The following KLF15 variants were observed in gnomAD, a reference collection of about 807,000 sequenced individuals.
KLF15 encodes Krueppel-like factor 15.
Under a neutral mutation model 24.6 loss-of-function variants are expected in KLF15, and 4 were observed. The observed-to-expected ratio is 0.16, with a 90% CI of 0.08 to 0.37. KLF15 has a LOEUF of 0.37. Among genes scored for constraint, KLF15 ranks in the 10% least tolerant of loss-of-function variants. KLF15 has a pLI of 1.00. For synonymous variants in KLF15, 246 were observed against 236.3 expected, an observed-to-expected ratio of 1.04 and a Z score of -0.37; for missense variants, 496 against 560.6, an observed-to-expected ratio of 0.88 and a Z score of 1.16.
the KLF15 span, among the ~76,000 whole-genome samples, chr3:126,324,788 A>T: frequency 2.8e-3 from 205 of 74,532 alleles, no homozygotes; most frequent in Middle Eastern, 0.013. Flanking sequence ...TTTGCTTTTA[A>T]TTTTTTTTTT....
chr3:126,350,736 C>A (rs1246034891), intron 2 of KLF15, among the ~76,000 whole-genome samples: 1 of 152,254 alleles, frequency 6.6e-6, no homozygotes, highest in Non-Finnish European at 1.5e-5. Flanking sequence ...TATGGTCACA[C>A]GGCACAGACA....
the KLF15 span, among the ~76,000 whole-genome samples, chr3:126,330,061 G>A: frequency 2.6e-5 from 4 of 152,196 alleles, no homozygotes; most frequent in Non-Finnish European, 1.5e-5. Context: ...CAGGATGCAA[G>A]CCGAGGTCTG....
the KLF15 span, among the ~76,000 whole-genome samples, chr3:126,329,580 C>A: frequency 5.3e-5 from 8 of 152,170 alleles, no homozygotes; most frequent in Non-Finnish European, 1.2e-4. Flanking sequence ...AATCTCCCCA[C>A]CTCTACCACC....
At chr3:126,337,575 A>AT in the KLF15 span, among the ~76,000 whole-genome samples, 1,139 of 76,040 alleles carry the variant, frequency 0.015, 7 homozygotes, top group Non-Finnish European at 0.017. Context: ...TTAAAGTATA[A>AT]TTAAAAAAAA....
At chr3:126,321,678 C>T in the KLF15 span, among the ~76,000 whole-genome samples, 1 of 152,216 alleles carries the variant, frequency 6.6e-6, no homozygotes, top group African/African-American at 2.4e-5. Flanking sequence ...TGGACATGTC[C>T]ACAGTCCACA....
At chr3:126,299,238 T>TA in the KLF15 span, among the ~76,000 whole-genome samples, 9 of 93,590 alleles carry the variant, frequency 9.6e-5, no homozygotes, top group African/African-American at 2.9e-4. Flanking sequence ...ATGTATGTAT[T>TA]TGTTTATTTA....
At chr3:126,329,690 G>C in the KLF15 span, among the ~76,000 whole-genome samples, 1 of 148,994 alleles carries the variant, frequency 6.7e-6, no homozygotes, top group African/African-American at 2.5e-5. Context: ...ATTTGTACTG[G>C]AATTGCAATG....
At chr3:126,305,144 G>A in the KLF15 span, among the ~76,000 whole-genome samples, 528 of 152,336 alleles carry the variant, frequency 3.5e-3, 3 homozygotes, top group African/African-American at 0.012. Flanking sequence ...TAGGCCACAC[G>A]ATGAAAGCTA....
In KLF15 at chr3:126,352,779, G is replaced by A. The variant is rs1174065640; in HGVS notation, c.144C>T (p.Ser48=). The change falls in exon 2 of 3, where the codon AGC becomes AGT. Residue 48 remains serine (S), a synonymous_variant. Transcript: ENST00000296233. ...AGTCGGGACTGGAACAGGAGCAGGG[G>A]CTGGAGGCATCGCTGTCATCTTCAG... ...PVSEDDSDAS[S]PCSCSSPDSQ... 2.5e-6 allele frequency: 4 copies of A among 1,579,492 alleles called. No homozygotes were observed. The highest frequency in any genetic ancestry group is 1.3e-5 in the African/African-American group (1 of 74,152).
At chr3:126,292,530 CA>C in the KLF15 span, among the ~76,000 whole-genome samples, 2 of 152,128 alleles carry the variant, frequency 1.3e-5, no homozygotes, top group Non-Finnish European at 2.9e-5. Context: ...ATTTGAGATA[CA>C]AAACAGGGAA....
At chr3:126,330,543 T>TC in the KLF15 span, among the ~76,000 whole-genome samples, 1 of 152,120 alleles carries the variant, frequency 6.6e-6, no homozygotes, top group African/African-American at 2.4e-5. Context: ...GTCTTTTTTT[T>TC]TTCTTGTCAT....
chr3:126,314,510 G>T, the KLF15 span, among the ~76,000 whole-genome samples: 1 of 152,132 alleles, frequency 6.6e-6, no homozygotes, highest in Non-Finnish European at 1.5e-5. Context: ...CCCACACAGG[G>T]ACCCACACGT....
At chr3:126,340,433 C>T (rs2082471470), downstream of KLF15, among the ~76,000 whole-genome samples, 1 of 152,384 alleles carries the variant, frequency 6.6e-6, no homozygotes, top group East Asian at 1.9e-4. Context: ...GCGAAGGAGG[C>T]TGGGTGCCCT....
the KLF15 span, among the ~76,000 whole-genome samples, chr3:126,313,303 T>C: frequency 6.6e-6 from 1 of 152,170 alleles, no homozygotes; most frequent in Non-Finnish European, 1.5e-5. Flanking sequence ...ACTTCCAGCC[T>C]CTGGAACTGT....
At chr3:126,348,758 A>G (rs2082558081) in intron 2 of KLF15, among the ~76,000 whole-genome samples, 1 of 152,224 alleles carries the variant, frequency 6.6e-6, no homozygotes, top group Non-Finnish European at 1.5e-5. Flanking sequence ...GCGTGGCTGG[A>G]TCCCACTCAG....
the KLF15 span, among the ~76,000 whole-genome samples, chr3:126,329,734 T>C: frequency 6.7e-6 from 1 of 149,050 alleles, no homozygotes; most frequent in African/African-American, 2.5e-5. Context: ...ATTGGGATCT[T>C]TACAATACTG....
the KLF15 span, among the ~76,000 whole-genome samples, chr3:126,318,572 C>T: frequency 2.0e-5 from 3 of 152,136 alleles, no homozygotes; most frequent in Non-Finnish European, 4.4e-5. Flanking sequence ...CGACACGTGG[C>T]ATACTGTGCT....
At chr3:126,318,593 T>C in the KLF15 span, among the ~76,000 whole-genome samples, 1 of 152,212 alleles carries the variant, frequency 6.6e-6, no homozygotes, top group Non-Finnish European at 1.5e-5. Context: ...CTAGGGACGA[T>C]TTAAGAAAAT....
chr3:126,355,350 C>T (rs2082620963), intron 1 of KLF15, among the ~76,000 whole-genome samples: 1 of 152,242 alleles, frequency 6.6e-6, no homozygotes, highest in Non-Finnish European at 1.5e-5. Flanking sequence ...CGCAGCAGCC[C>T]AGCACCTGGG....
Sources: gnomAD v4.1 joint callset for allele counts (sites outside exome capture counted in the v4.1 genomes callset) on GRCh38, gnomAD v4.1.1 for gene constraint, MANE v1.5 for transcripts, NCBI Gene and HGNC (gene_info 2026-07-23, HGNC 2026-07-21) for gene names.